Variants in CHTF18 observed in about 807,000 individuals in gnomAD.
CHTF18 encodes chromosome transmission fidelity protein 18 homolog.
In CHTF18, 151 loss-of-function variants were observed where a neutral mutation model predicts 113.4. The ratio of observed to expected loss-of-function variants is 1.33; its 90% CI spans 1.17 to 1.52. The LOEUF (loss-of-function observed/expected upper bound fraction) is 1.52. Ranked by LOEUF, CHTF18 falls within the 40% of genes most tolerant of loss-of-function variation. The pLI, the probability that CHTF18 is intolerant of heterozygous loss-of-function variation, is 0.00. For missense variants in CHTF18, 1,982 were observed against 1,381.6 expected (o/e 1.43, Z -6.89); for synonymous variants, 916 against 598.8 (o/e 1.53, Z -7.74).
At chr16:797,563 C>T (rs911297721) in intron 20 of CHTF18, 131 bp from the exon 21 acceptor site, 2 of 928,940 alleles carry the variant, frequency 2.2e-6, no homozygotes, top group African/African-American at 1.6e-5. Flanking sequence ...CTGGCCTGGG[C>T]CAGGTTCCGA....
intron 9 of CHTF18, 26 bp downstream of exon 9, chr16:791,974 G>A (rs374163716): frequency 1.3e-6 from 2 of 1,589,212 alleles, no homozygotes; most frequent in Non-Finnish European, 1.7e-6. Flanking sequence ...TCCGTCTCTG[G>A]CTCGCCTTCT....
intron 20 of CHTF18, among the ~76,000 whole-genome samples, chr16:797,402 A>AG (rs1224367086): frequency 6.6e-6 from 1 of 151,988 alleles, no homozygotes; most frequent in Non-Finnish European, 1.5e-5. Flanking sequence ...CAGTGCCCTA[A>AG]GGGGGGCTCT....
chr16:795,200 C>T lies in CHTF18; in HGVS notation c.2019C>T (p.Leu673=), dbSNP rs1043940955. ...GCCTGGGTGCTGTGTGTGTGGCCCT[C>T]GACTGGCTGGCCTTCGATGACCTGC... The part of the protein sequence containing the change: ...DSSLGAVCVA[L]DWLAFDDLLA... Residue 673 remains leucine, a synonymous_variant, in exon 16 of 22, where the codon CTC becomes CTT. Coordinates refer to ENST00000262315, the MANE Select transcript of CHTF18 (RefSeq NM_022092.3). The T allele has an allele frequency of 1.2e-5, 18 of 1,557,758 alleles. No homozygotes were observed. Among genetic ancestry groups the T allele is most frequent in the African/African-American group, 2.7e-5 (2 of 73,460 alleles).
intron 8 of CHTF18, 25 bp from the exon 9 acceptor site, chr16:791,826 A>G: frequency 6.3e-7 from 1 of 1,581,220 alleles, no homozygotes; most frequent in Non-Finnish European, 8.6e-7. Context: ...GGTGCACACT[A>G]CGCCTTCATC....
At chr16:796,561 C>A in intron 18 of CHTF18, 156 bp from the exon 19 acceptor site, 1 of 859,208 alleles carries the variant, frequency 1.2e-6, no homozygotes, top group Non-Finnish European at 1.7e-6. Flanking sequence ...TTAAACCTGG[C>A]TGCCGCAGGG....
Position 793,188 on chromosome 16 carries a change from G to C in CHTF18, c.1716G>C (p.Val572=), listed in dbSNP as rs753041795. 1 of 1,608,426 alleles carries C rather than the reference G, an allele frequency of 6.2e-7. No homozygotes were observed. The highest frequency in any genetic ancestry group is 1.1e-5 in the South Asian group (1 of 90,292). Residue 572 remains valine, a synonymous_variant, in exon 14 of 22, where the codon GTG becomes GTC. Coordinates refer to ENST00000262315, the MANE Select transcript of CHTF18 (RefSeq NM_022092.3). ...AGCGGGAGCTGAGCGTGCGGGACGT[G>C]CAGGCCACACGCGTGGGCCTCAAGG... is the stretch of plus-strand genomic sequence containing the variant. The part of the protein sequence containing the change: ...RGQRELSVRD[V]QATRVGLKDQ...
chr16:793,392 G>A, intron 14 of CHTF18, 118 bp downstream of exon 14: 1 of 1,343,638 alleles, frequency 7.4e-7, no homozygotes, highest in South Asian at 1.4e-5. Flanking sequence ...TGAGCCCGCG[G>A]TTGCCTGGTC....
Position 789,242 on chromosome 16 carries a change from G to C in CHTF18, c.319G>C (p.Val107Leu), listed in dbSNP as rs1355572804. The C allele has an allele frequency of 6.4e-7, 1 of 1,555,140 alleles. No individual in the cohort carries two copies. The highest frequency in any genetic ancestry group is 1.2e-5 in the South Asian group (1 of 84,498). The change falls in exon 3 of 22, where the codon GTC becomes CTC. Residue 107 changes from valine to leucine, a missense_variant. Coordinates refer to ENST00000262315, the MANE Select transcript of CHTF18 (RefSeq NM_022092.3). Reference protein sequence around the residue: ...PRIKRPRLQVVKRLNFRSEEM... With the variant: ...PRIKRPRLQVLKRLNFRSEEM... ...GATCAAACGGCCTAGGCTGCAGGTG[G>C]TCAAGAGGCTGAACTTCAGATCGGA...
chr16:789,951 C>G (rs903154022), intron 4 of CHTF18: 1 of 1,527,130 alleles, frequency 6.5e-7, no homozygotes, highest in African/African-American at 1.4e-5. Flanking sequence ...TGCTTCCCCT[C>G]CTGCTTTTGC....
chr16:796,681 C>A (rs761732819), intron 18 of CHTF18, 36 bp from the exon 19 acceptor site: 5 of 1,550,074 alleles, frequency 3.2e-6, no homozygotes, highest in Admixed American at 1.9e-5. Context: ...AGCCTGGCCC[C>A]GCTGACCTGC....
Position 791,702 on chromosome 16 carries a change from A to G in CHTF18, c.1105-149A>G, listed in dbSNP as rs540523932. The G allele has an allele frequency of 6.0e-5, 86 of 1,432,836 alleles. 2 individuals carry two copies. In the African/African-American group the frequency reaches 9.1e-4, roughly 15 times the overall value. The allele number at this position is 1,432,836 out of a possible 1,614,324, so 88.8% of individuals were successfully genotyped here. On this transcript the variant is annotated intron_variant, in intron 8 of 21. Transcript: ENST00000262315. ...TTTTCCGTTGCCATCTTGGTGTGTGAAAGTGCTCAATTTTGTTCTTATTTG... is the reference window on the plus strand; with the variant it reads ...TTTTCCGTTGCCATCTTGGTGTGTGGAAGTGCTCAATTTTGTTCTTATTTG...
rs2042082929 is a variant in CHTF18 at position 789,075 on chromosome 16, G to A, written c.236G>A (p.Arg79Lys). Residue 79 changes from arginine (R) to lysine (K), a missense_variant, in exon 2 of 22, where the codon AGG becomes AAG. Arg to Lys is a conservative substitution (Grantham distance 26, BLOSUM62 2). Transcript: ENST00000262315. The part of the protein sequence containing the change: ...ASVGSSQGGA[R>K]KRQVDADLQP... ...GTGGGCAGCAGCCAGGGCGGCGCCA[G>A]GAAGAGGCAGGTGGACGCCGACCTG... 2.0e-6 allele frequency: 3 copies of A among 1,535,864 alleles called. No homozygotes were observed. Among genetic ancestry groups the A allele is most frequent in the Non-Finnish European group, 2.6e-6 (3 of 1,139,768 alleles).
chr16:795,693 C>T lies in CHTF18; in HGVS notation c.2184C>T (p.Asn728=). The T allele has an allele frequency of 6.3e-7, 1 of 1,597,060 alleles. No individual in the cohort carries two copies. Among genetic ancestry groups the T allele is most frequent in the Non-Finnish European group, 8.5e-7 (1 of 1,175,104 alleles). ...CTCACCCCCTGCCCCAGGCCCAGAA[C>T]CGGATGAGCCAGATGAGGAACCTGA... ...TFPSSQQEAQ[N]RMSQMRNLIQ... Residue 728 remains asparagine, a synonymous_variant, in exon 17 of 22, where the codon AAC becomes AAT. Transcript: ENST00000262315.
At chr16:790,806 G>A in intron 7 of CHTF18, 140 bp downstream of exon 7, 1 of 1,435,506 alleles carries the variant, frequency 7.0e-7, no homozygotes, top group South Asian at 1.5e-5. Flanking sequence ...TTGAGTTGTA[G>A]GTGGTGAACT....
At chr16:795,018 T>C in intron 15 of CHTF18, 114 bp from the exon 16 acceptor site, 2 of 857,846 alleles carry the variant, frequency 2.3e-6, no homozygotes, top group South Asian at 1.7e-5. Flanking sequence ...CTGCGAAGCC[T>C]CGTGGGGCAG....
chr16:796,619 C>T (rs891809811), intron 18 of CHTF18, 98 bp from the exon 19 acceptor site: 7 of 1,374,704 alleles, frequency 5.1e-6, no homozygotes, highest in African/African-American at 1.5e-5. Flanking sequence ...CTGCTCTGGC[C>T]TTGTGGCTTT....
chr16:791,303 G>C lies in CHTF18; in HGVS notation c.1037G>C (p.Ser346Thr), dbSNP rs773866071. ...KEATAPGKWKSHEQVLEEMLE... is the reference protein window; with the variant it reads ...KEATAPGKWKTHEQVLEEMLE... ...GCCACAGCCCCAGGCAAGTGGAAGA[G>C]CCACGAACAGGTGCTGGAGGAGATG... The change falls in exon 8 of 22, where the codon AGC becomes ACC. Residue 346 changes from serine (S) to threonine (T), a missense_variant. Physicochemically the swap from Ser to Thr is moderately conservative, Grantham distance 58. Transcript: ENST00000262315. 3 of 1,610,638 alleles carry C rather than the reference G, an allele frequency of 1.9e-6. No homozygotes were observed. The highest frequency in any genetic ancestry group is 8.5e-7 in the Non-Finnish European group (1 of 1,179,590).
intron 4 of CHTF18, 178 bp from the exon 5 acceptor site, chr16:789,999 C>G (rs1285663160): frequency 2.0e-6 from 3 of 1,535,404 alleles, no homozygotes; most frequent in South Asian, 1.2e-5. Context: ...CCCAATTTCC[C>G]TTTGCAGCTG....
Position 790,605 on chromosome 16 carries a change from G to A in CHTF18, c.833G>A (p.Ser278Asn). Residue 278 changes from serine to asparagine, a missense_variant, in exon 7 of 22, where the codon AGT becomes AAT. Transcript: ENST00000262315. ...EEPTDGQDAS[S>N]HCLWVDEFAP... ...CCGACTGACGGTCAAGACGCCTCCA[G>A]TCACTGCCTCTGGGTGGATGAGTTT... The A allele has an allele frequency of 6.3e-7, 1 of 1,596,912 alleles. No individual in the cohort carries two copies. The highest frequency in any genetic ancestry group is 8.5e-7 in the Non-Finnish European group (1 of 1,173,110).
Sources: allele counts gnomAD v4.1 joint callset (sites outside exome capture counted in the v4.1 genomes callset), GRCh38; gene constraint gnomAD v4.1.1; transcripts MANE v1.5; gene names NCBI Gene and HGNC (gene_info 2026-07-23, HGNC 2026-07-21).